TRIM5: variants seen among roughly 807,000 people sequenced by gnomAD.
The protein encoded by TRIM5 is tripartite motif-containing protein 5.
Under a neutral mutation model 35.6 loss-of-function variants are expected in TRIM5, and 31 were observed. The ratio of observed to expected loss-of-function variants is 0.87; its 90% confidence interval spans 0.65 to 1.18. The LOEUF is 1.18. TRIM5 is among the 50% of genes most tolerant of loss of function. TRIM5 has a pLI of 0.00. For missense variants in TRIM5, 609 were observed against 591.6 expected (o/e 1.03, Z -0.31); for synonymous variants, 243 against 215.6 (o/e 1.13, Z -1.11).
At chr11:5,634,998 A>C in the TRIM5 span, 1 of 816,508 alleles carries the variant, frequency 1.2e-6, no homozygotes, top group Non-Finnish European at 1.8e-6. Context: ...GATGTCATGG[A>C]CATGAATGAC....
chr11:5,681,564 C>T (rs1018629289), intron 1 of TRIM5, among the ~76,000 whole-genome samples: 2 of 152,186 alleles, frequency 1.3e-5, no homozygotes, highest in African/African-American at 4.8e-5. Flanking sequence ...CTTGTCTCTC[C>T]TGCTAAATCA....
chr11:5,660,538 T>C (rs1429104409), downstream of TRIM5, among the ~76,000 whole-genome samples: 1 of 152,178 alleles, frequency 6.6e-6, no homozygotes, highest in Non-Finnish European at 1.5e-5. Context: ...TTTATTAGAA[T>C]ATATACCTTC....
the TRIM5 span, among the ~76,000 whole-genome samples, chr11:5,591,580 G>A: frequency 9.2e-5 from 14 of 152,224 alleles, no homozygotes; most frequent in South Asian, 4.1e-4. Flanking sequence ...CCTGGGAGGC[G>A]GAGGTTGCAC....
chr11:5,673,905 TA>T (rs1442767483), intron 4 of TRIM5, among the ~76,000 whole-genome samples: 1 of 151,772 alleles, frequency 6.6e-6, no homozygotes, highest in Non-Finnish European at 1.5e-5. Flanking sequence ...GAAATATAGT[TA>T]AAGCAATTCA....
the TRIM5 span, among the ~76,000 whole-genome samples, chr11:5,649,892 A>G: frequency 6.6e-6 from 1 of 152,308 alleles, no homozygotes. Flanking sequence ...ATCCGGGAAG[A>G]TACTGCCACT....
In TRIM5 at chr11:5,672,892, T is replaced by C. The variant is rs116252519; in HGVS notation, c.745-5181A>G. Among the ~76,000 whole-genome samples the C allele has an allele frequency of 8.8e-3, 1,346 of 152,206 alleles. 24 individuals carry two copies. The highest frequency in any genetic ancestry group is 0.03 in the African/African-American group (1,256 of 41,518). On this transcript the variant is annotated intron_variant, in intron 4 of 7. Transcript: ENST00000380034. ...TAGGACAAGATGCATATTGTAATCA[T>C]TAGAGCAAGCACTAGGAAGAGTACT...
At chr11:5,662,338 A>T (rs1850858100), downstream of TRIM5, among the ~76,000 whole-genome samples, 1 of 152,222 alleles carries the variant, frequency 6.6e-6, no homozygotes, top group African/African-American at 2.4e-5. Flanking sequence ...AGACATAGGG[A>T]TCCTACCATG....
the TRIM5 span, among the ~76,000 whole-genome samples, chr11:5,594,147 C>T: frequency 2.0e-5 from 3 of 152,004 alleles, no homozygotes; most frequent in African/African-American, 7.3e-5. Context: ...TTTTCGAGAC[C>T]CCTTGAATTA....
rs966144470 is a variant in TRIM5 at position 5,664,817 on chromosome 11, T to C, written c.1474A>G (p.Ser492Gly). ...TGAGTGTGTAAGAAGGTTCAAGAGCTTGGTGAGCACAGAGTCATGGGGACT... is the reference window on the plus strand; with the variant it reads ...TGAGTGTGTAAGAAGGTTCAAGAGCCTGGTGAGCACAGAGTCATGGGGACT... ...CGVPMTLCSP[S>G]S Residue 492 changes from serine (S) to glycine (G), a missense_variant, in exon 8 of 8, where the codon AGC becomes GGC. Physicochemically the swap from Ser to Gly is moderately conservative, Grantham distance 56. Coordinates refer to ENST00000380034, the MANE Select transcript of TRIM5 (RefSeq NM_033034.3). The C allele has an allele frequency of 1.3e-6, 2 of 1,589,460 alleles. No individual in the cohort carries two copies. The highest frequency in any genetic ancestry group is 2.7e-5 in the African/African-American group (2 of 73,810).
At chr11:5,610,107 T>C in the TRIM5 span, 1 of 1,611,480 alleles carries the variant, frequency 6.2e-7, no homozygotes, top group Non-Finnish European at 8.5e-7. Context: ...GAACCCACAG[T>C]CAGCAGTGTG....
chr11:5,680,179 G>A lies in TRIM5; in HGVS notation c.-2C>T. 1 of 1,598,080 alleles carries A rather than the reference G, an allele frequency of 6.3e-7. No homozygotes were observed. The highest frequency in any genetic ancestry group is 8.5e-7 in the Non-Finnish European group (1 of 1,171,316). ...ATTAACCAGGATTCCAGAAGCCATA[G>A]TAGCTATTCCACTGCTCCTGCCTGT... is the stretch of plus-strand genomic sequence containing the variant. On this transcript the variant is annotated 5_prime_UTR_variant, in exon 2 of 8. Transcript: ENST00000380034.
At chr11:5,652,799 C>T in the TRIM5 span, among the ~76,000 whole-genome samples, 1 of 151,838 alleles carries the variant, frequency 6.6e-6, no homozygotes, top group African/African-American at 2.4e-5. Flanking sequence ...AATCCATGAG[C>T]ATAGAATGTT....
At chr11:5,671,304 T>TAAAA (rs5789423) in intron 4 of TRIM5, among the ~76,000 whole-genome samples, 1 of 141,794 alleles carries the variant, frequency 7.1e-6, no homozygotes, top group Non-Finnish European at 1.5e-5. Flanking sequence ...TCAGGGGGAT[T>TAAAA]AAAAAAAAAA....
chr11:5,599,458 C>T, the TRIM5 span, among the ~76,000 whole-genome samples: 1 of 151,978 alleles, frequency 6.6e-6, no homozygotes, highest in East Asian at 1.9e-4. Context: ...GGCTGGAGTG[C>T]AGTGGCACGA....
the TRIM5 span, chr11:5,610,260 G>A: frequency 6.2e-7 from 1 of 1,614,006 alleles, no homozygotes; most frequent in East Asian, 2.2e-5. Context: ...GGAGATTCAG[G>A]GGAAAGAGTT....
chr11:5,649,741 A>G, the TRIM5 span, among the ~76,000 whole-genome samples: 140 of 152,324 alleles, frequency 9.2e-4, 1 homozygote, highest in East Asian at 0.023. Flanking sequence ...CTAGTGGAGC[A>G]CTAGGAATAG....
At chr11:5,622,451 A>AC in the TRIM5 span, among the ~76,000 whole-genome samples, 1 of 149,014 alleles carries the variant, frequency 6.7e-6, no homozygotes, top group East Asian at 2.1e-4. Context: ...TCTCAAAAAA[A>AC]AAAAAAAGAA....
intron 2 of TRIM5, 27 bp downstream of exon 2, chr11:5,679,734 T>G (rs1241040214): frequency 1.3e-6 from 2 of 1,531,180 alleles, no homozygotes; most frequent in African/African-American, 2.8e-5. Context: ...TTTTCTGCCC[T>G]CTCTTCCTTC....
the TRIM5 span, among the ~76,000 whole-genome samples, chr11:5,647,351 C>T: frequency 1.3e-5 from 2 of 151,840 alleles, no homozygotes; most frequent in Non-Finnish European, 2.9e-5. Flanking sequence ...ATTGTTTACA[C>T]CAAGGAAAAA....
Sources: allele counts gnomAD v4.1 joint callset (sites outside exome capture counted in the v4.1 genomes callset), GRCh38; gene constraint gnomAD v4.1.1; transcripts MANE v1.5; gene names NCBI Gene and HGNC (gene_info 2026-07-23, HGNC 2026-07-21).